GOLGA4: variants seen among roughly 807,000 people sequenced by gnomAD.
GOLGA4 encodes the protein golgin A4, also known as golgin subfamily A member 4.
A neutral mutation model predicts 265.9 loss-of-function variants in GOLGA4; 169 were observed. The observed-to-expected ratio is 0.64, with a 90% CI of 0.56 to 0.72. GOLGA4 has a LOEUF of 0.72. Ranked by LOEUF, GOLGA4 falls within the 30% of genes least tolerant of loss-of-function variation. GOLGA4 has a pLI of 0.00. For missense variants in GOLGA4, 2,482 were observed against 2,483.4 expected (o/e 1.00, Z 0.01); for synonymous variants, 923 against 855.8 (o/e 1.08, Z -1.37).
At chr3:37,291,874 A>T (rs1297430719) in intron 5 of GOLGA4, among the ~76,000 whole-genome samples, 2 of 152,018 alleles carry the variant, frequency 1.3e-5, no homozygotes, top group Non-Finnish European at 2.9e-5. Context: ...CAGATTGATG[A>T]ATTTGTTGGT....
At position 37,327,189 on chromosome 3, in the gene GOLGA4, A is replaced by G. The variant is rs1455947162; in HGVS notation, c.5303A>G (p.Glu1768Gly). The G allele has an allele frequency of 6.2e-7, 1 of 1,613,916 alleles. No individual in the cohort carries two copies. Among genetic ancestry groups the G allele is most frequent in the Admixed American group, 1.7e-5 (1 of 60,002 alleles). The change falls in exon 14 of 24, where the codon GAA (glutamate) becomes GGA (glycine). Residue 1768 changes from glutamate to glycine, a missense_variant. By Grantham distance (98) the Glu-to-Gly change is moderately conservative. Around this residue, in one of 3 missense-constraint regions of GOLGA4, gnomAD observed 942 missense variants for 983.1 expected, o/e 0.96. Transcript: ENST00000361924. Reference protein sequence around the residue: ...EKEETVSSHFEMRCQYQERLI... With the variant: ...EKEETVSSHFGMRCQYQERLI... ...GAAGAGACAGTTTCTTCTCATTTTG[A>G]AATGCGATGCCAATACCAGGAGCGC...
At chr3:37,322,805 A>G (rs2150955330) in intron 13 of GOLGA4, among the ~76,000 whole-genome samples, 1 of 152,224 alleles carries the variant, frequency 6.6e-6, no homozygotes, top group East Asian at 1.9e-4. Flanking sequence ...CTTTGTTAAA[A>G]TTCATATAAG....
In GOLGA4 at chr3:37,304,059, C is replaced by A. The variant is rs752297495; in HGVS notation, c.1234+1727C>A. Among the ~76,000 whole-genome samples, 33 of 151,988 alleles carry A rather than the reference C, an allele frequency of 2.2e-4. No individual in the cohort carries two copies. The Middle Eastern group carries it at 0.01, about 47-fold the overall frequency. ...TCTGTGCTCTTAACCATATAGAGGT[C>A]TTGAGTTTGGCAATGAGACATAAAT... On this transcript the variant is annotated intron_variant, in intron 10 of 23. Coordinates refer to ENST00000361924, the MANE Select transcript of GOLGA4 (RefSeq NM_002078.5).
chr3:37,347,756 G>A (rs533289534), intron 21 of GOLGA4, among the ~76,000 whole-genome samples: 2 of 152,182 alleles, frequency 1.3e-5, no homozygotes, highest in East Asian at 1.9e-4. Flanking sequence ...GTGGAATATC[G>A]ATCATTTAAA....
intron 9 of GOLGA4, among the ~76,000 whole-genome samples, chr3:37,301,261 C>T (rs1559401005): frequency 6.6e-6 from 1 of 152,188 alleles, no homozygotes; most frequent in Non-Finnish European, 1.5e-5. Context: ...CCCTGCCGAC[C>T]TCCATTTCTA....
At chr3:37,337,307 T>G (rs962365426) in intron 18 of GOLGA4, 144 bp downstream of exon 18, 6 of 620,034 alleles carry the variant, frequency 9.7e-6, no homozygotes, top group Non-Finnish European at 2.8e-6. Context: ...TCAGGTATTC[T>G]CATGCCTTAG....
intron 16 of GOLGA4, among the ~76,000 whole-genome samples, chr3:37,332,994 C>T (rs916320810): frequency 4.6e-5 from 7 of 152,310 alleles, no homozygotes; most frequent in Non-Finnish European, 7.3e-5. Flanking sequence ...AGACTATAAG[C>T]ATCACTCTGG....
At chr3:37,270,190 G>A (rs571339521) in intron 2 of GOLGA4, among the ~76,000 whole-genome samples, 33 of 148,802 alleles carry the variant, frequency 2.2e-4, no homozygotes, top group African/African-American at 8.2e-4. Context: ...CACTGAGCCC[G>A]GCCAGTTGTA....
rs540414557 is a variant in GOLGA4 at position 37,307,790 on chromosome 3, T to C, written c.1234+5458T>C. On this transcript the variant is annotated intron_variant, in intron 10 of 23. Coordinates refer to ENST00000361924, the MANE Select transcript of GOLGA4 (RefSeq NM_002078.5). ...ATGTCTCCAACAATGTCACTATTAC[T>C]TGAAACCATCAGTAATTTAAAAACA... Among the ~76,000 whole-genome samples the C allele has an allele frequency of 2.6e-5, 4 of 152,370 alleles. No individual in the cohort carries two copies. In the East Asian group the frequency reaches 7.7e-4, roughly 29 times the overall value.
chr3:37,332,210 A>G (rs995153104), intron 16 of GOLGA4, among the ~76,000 whole-genome samples: 1 of 152,234 alleles, frequency 6.6e-6, no homozygotes, highest in African/African-American at 2.4e-5. Context: ...GCCAAACTCA[A>G]CCATAGCTTG....
At position 37,337,179 on chromosome 3, in the gene GOLGA4, C is replaced by CTTTTTTTTTTTTTTTTTTTTTTTTTT; in HGVS notation, c.6327+29_6327+30insTTTTTTTTTTTTTTTTTTTTTTTTTT. 3.7e-6 allele frequency: 4 copies of CTTTTTTTTTTTTTTTTTTTTTTTTTT among 1,073,200 alleles called. No homozygotes were observed. The highest frequency in any genetic ancestry group is 5.2e-6 in the Non-Finnish European group (4 of 762,596). The allele number at this position is 1,073,200 out of a possible 1,614,324, so 66.5% of individuals were successfully genotyped here. On this transcript the variant is annotated intron_variant, in intron 18 of 23. Coordinates refer to ENST00000361924, the MANE Select transcript of GOLGA4 (RefSeq NM_002078.5). Reference sequence around the variant, plus strand: ...GGAGCTACAGGTAAGGCTAGTTCTTCTTTTTTTTTTTTTCTTTTTTTTCTT... The same window carrying CTTTTTTTTTTTTTTTTTTTTTTTTTT: ...GGAGCTACAGGTAAGGCTAGTTCTTCTTTTTTTTTTTTTTTTTTTTTTTTTTTTTTTTTTTTTTTCTTTTTTTTCTT...
intron 2 of GOLGA4, among the ~76,000 whole-genome samples, chr3:37,257,911 ATATG>A (rs1368110057): frequency 1.9e-4 from 24 of 124,542 alleles, no homozygotes; most frequent in African/African-American, 6.7e-4. Context: ...ATATATATAT[ATATG>A]TATGTATATA....
At chr3:37,255,754 T>G (rs1221631146) in intron 2 of GOLGA4, among the ~76,000 whole-genome samples, 1 of 149,492 alleles carries the variant, frequency 6.7e-6, no homozygotes, top group East Asian at 1.9e-4. Flanking sequence ...AAAAAGCATT[T>G]TTTTTTTTTG....
chr3:37,359,767 G>A (rs1269934160), intron 22 of GOLGA4, among the ~76,000 whole-genome samples: 3 of 152,046 alleles, frequency 2.0e-5, no homozygotes, highest in Admixed American at 6.6e-5. Context: ...TTTCAGCATT[G>A]CTAGGTACAA....
intron 3 of GOLGA4, among the ~76,000 whole-genome samples, chr3:37,284,451 A>G (rs1040060030): frequency 1.1e-4 from 16 of 151,884 alleles, no homozygotes; most frequent in Non-Finnish European, 1.5e-5. Context: ...ACAGGGTTTC[A>G]CCATGTTGGC....
chr3:37,359,846 G>A (rs1445144136), intron 22 of GOLGA4, among the ~76,000 whole-genome samples: 2 of 152,086 alleles, frequency 1.3e-5, no homozygotes, highest in African/African-American at 2.4e-5. Context: ...ATGCAAGGTG[G>A]GTTCAGGAAA....
intron 21 of GOLGA4, 50 bp from the exon 22 acceptor site, chr3:37,355,047 GAGAC>G: frequency 9.8e-7 from 1 of 1,023,154 alleles, no homozygotes; most frequent in South Asian, 1.3e-5. Context: ...AGAATGGGTT[GAGAC>G]TTTATATGCT....
At chr3:37,263,510 AC>A (rs2096775557) in intron 2 of GOLGA4, among the ~76,000 whole-genome samples, 1 of 152,094 alleles carries the variant, frequency 6.6e-6, no homozygotes, top group Admixed American at 6.5e-5. Context: ...AAATGGCCTA[AC>A]AACACATTTC....
intron 11 of GOLGA4, 108 bp from the exon 12 acceptor site, chr3:37,318,955 C>T: frequency 1.4e-6 from 1 of 715,628 alleles, no homozygotes; most frequent in African/African-American, 1.8e-5. Context: ...GTGATTTTTT[C>T]TTCTTAAAAA....
Sources: allele counts gnomAD v4.1 joint callset (sites outside exome capture counted in the v4.1 genomes callset), GRCh38; gene constraint gnomAD v4.1.1; regional missense constraint gnomAD v4.1.1; transcripts MANE v1.5; gene names NCBI Gene and HGNC (gene_info 2026-07-23, HGNC 2026-07-21).